RBPJ: variants seen among roughly 807,000 people sequenced by gnomAD.
The protein encoded by RBPJ is recombination signal binding protein for immunoglobulin kappa J region.
In RBPJ, 9 loss-of-function variants were observed where a neutral mutation model predicts 67.8. The ratio of observed to expected loss-of-function variants is 0.13; its 90% confidence interval spans 0.08 to 0.23. The LOEUF is 0.23. RBPJ is among the 10% of genes least tolerant of loss of function. RBPJ has a pLI of 1.00. For synonymous variants in RBPJ, 198 were observed against 203.3 expected (o/e 0.97, Z 0.22); for missense variants, 305 against 595.6 (o/e 0.51, Z 5.08).
At chr4:26,349,766 T>C (rs977101993) in intron 1 of RBPJ, among the ~76,000 whole-genome samples, 2 of 152,236 alleles carry the variant, frequency 1.3e-5, no homozygotes, top group African/African-American at 4.8e-5. Flanking sequence ...TCATGGTTAC[T>C]CTCTGTCTCA....
At chr4:26,283,649 C>CTTT (rs371025225) in intron 1 of RBPJ, among the ~76,000 whole-genome samples, 4 of 142,268 alleles carry the variant, frequency 2.8e-5, no homozygotes, top group Non-Finnish European at 6.1e-5. Flanking sequence ...TTTAACTAAA[C>CTTT]TTTTTTTTTT....
the RBPJ span, among the ~76,000 whole-genome samples, chr4:26,123,792 A>C: frequency 6.6e-6 from 1 of 152,170 alleles, no homozygotes; most frequent in Non-Finnish European, 1.5e-5. Flanking sequence ...GGTCAGGGTC[A>C]TCAATATCAC....
At chr4:26,314,973 C>T (rs56762644), upstream of RBPJ, among the ~76,000 whole-genome samples, 28,432 of 150,068 alleles carry the variant, frequency 0.19, 4,271 homozygotes, top group African/African-American at 0.41. Context: ...GGTGAAACCC[C>T]GTCTCCACTA....
rs969812530 is a variant in RBPJ at position 26,183,747 on chromosome 4, C to T, written c.-167+20133C>T. Reference sequence around the variant, plus strand: ...AAATGTAGCCGGGCGTGGTCGCTCACGCCTGTAATCCCAGCACTTTGGGAG... The same window carrying T: ...AAATGTAGCCGGGCGTGGTCGCTCATGCCTGTAATCCCAGCACTTTGGGAG... On this transcript the variant is annotated intron_variant, in intron 1 of 4. Coordinates refer to the RBPJ transcript ENST00000512351. Among the ~76,000 whole-genome samples the T allele has an allele frequency of 5.9e-5, 9 of 152,294 alleles. No homozygotes were observed. The South Asian group carries it at 8.3e-4, about 14-fold the overall frequency.
chr4:26,307,495 A>C (rs1722276916), intron 1 of RBPJ, among the ~76,000 whole-genome samples: 2 of 152,208 alleles, frequency 1.3e-5, no homozygotes, highest in African/African-American at 4.8e-5. Context: ...TAGCTATGCT[A>C]TTTAAAAATA....
intron 1 of RBPJ, among the ~76,000 whole-genome samples, chr4:26,290,955 C>T (rs1721648536): frequency 6.6e-6 from 1 of 151,032 alleles, no homozygotes; most frequent in Non-Finnish European, 1.5e-5. Context: ...AGTAAATAAT[C>T]CTTCATTTTA....
At chr4:26,167,833 G>A (rs1310432601) in intron 1 of RBPJ, among the ~76,000 whole-genome samples, 4 of 151,738 alleles carry the variant, frequency 2.6e-5, no homozygotes, top group Non-Finnish European at 5.9e-5. Flanking sequence ...TGCCCATTCA[G>A]TATGATATTG....
chr4:26,287,843 C>T (rs1721534333), intron 1 of RBPJ, among the ~76,000 whole-genome samples: 1 of 151,752 alleles, frequency 6.6e-6, no homozygotes, highest in Non-Finnish European at 1.5e-5. Context: ...AAGAAGAACT[C>T]CAATAGAAGA....
chr4:26,391,301 C>T (rs566794307), intron 2 of RBPJ, among the ~76,000 whole-genome samples: 34 of 152,242 alleles, frequency 2.2e-4, no homozygotes, highest in Non-Finnish European at 4.3e-4. Context: ...GCTAAGTAGA[C>T]CATTGTGACA....
At chr4:26,277,707 TAGTC>T (rs1313034258) in intron 1 of RBPJ, among the ~76,000 whole-genome samples, 29 of 152,250 alleles carry the variant, frequency 1.9e-4, no homozygotes, top group Admixed American at 1.9e-3. Flanking sequence ...TGGCAAGTGT[TAGTC>T]AGAGGGAGAG....
At chr4:26,320,131 G>C (rs967056531), upstream of RBPJ, among the ~76,000 whole-genome samples, 7 of 152,246 alleles carry the variant, frequency 4.6e-5, no homozygotes, top group African/African-American at 1.7e-4. Context: ...TGCAGCACGC[G>C]AGCGGCAAGA....
At chr4:26,369,914 C>G (rs369078496) in intron 1 of RBPJ, among the ~76,000 whole-genome samples, 7 of 152,242 alleles carry the variant, frequency 4.6e-5, no homozygotes, top group African/African-American at 1.4e-4. Flanking sequence ...TACATGCAGC[C>G]TGAACAAACC....
intron 1 of RBPJ, among the ~76,000 whole-genome samples, chr4:26,206,670 G>A (rs748407993): frequency 3.4e-5 from 5 of 148,250 alleles, no homozygotes; most frequent in Non-Finnish European, 5.9e-5. Flanking sequence ...TTGTTTATAA[G>A]ATATAATTTT....
chr4:26,140,109 C>T, the RBPJ span, among the ~76,000 whole-genome samples: 1 of 152,198 alleles, frequency 6.6e-6, no homozygotes, highest in Non-Finnish European at 1.5e-5. Flanking sequence ...GTGGTGACTT[C>T]AGTGAACTCA....
chr4:26,432,881 T>A lies in RBPJ; in HGVS notation c.*1874T>A, dbSNP rs1389371620. ...TTTTTAGAAATTATTATTAGTAGCA[T>A]TTTTTTTCCAGCTTTGCTGTCTTCA... On this transcript the variant is annotated 3_prime_UTR_variant, in exon 11 of 11. Transcript: ENST00000355476. 1 of 152,078 alleles carries A rather than the reference T, an allele frequency of 6.6e-6. No homozygotes were observed. Among genetic ancestry groups the A allele is most frequent in the Admixed American group, 6.6e-5 (1 of 15,260 alleles). The allele number at this position is 152,078 out of a possible 1,614,324, so 9.4% of individuals were successfully genotyped here.
At chr4:26,287,881 T>C (rs1306762363) in intron 1 of RBPJ, among the ~76,000 whole-genome samples, 1 of 152,096 alleles carries the variant, frequency 6.6e-6, no homozygotes, top group African/African-American at 2.4e-5. Context: ...AGGCCTAATT[T>C]TGTCATTTAT....
At chr4:26,193,443 G>T (rs1717641113) in intron 1 of RBPJ, among the ~76,000 whole-genome samples, 1 of 151,846 alleles carries the variant, frequency 6.6e-6, no homozygotes, top group Admixed American at 6.6e-5. Flanking sequence ...GACTTTGGTG[G>T]TTCTTTTTAT....
chr4:26,261,026 C>T (rs564203661), intron 1 of RBPJ, among the ~76,000 whole-genome samples: 42 of 152,154 alleles, frequency 2.8e-4, no homozygotes, highest in African/African-American at 8.9e-4. Flanking sequence ...CAATATCTTA[C>T]ATATAAAAGG....
intron 3 of RBPJ, among the ~76,000 whole-genome samples, chr4:26,412,114 CAAAA>C (rs146632582): frequency 4.4e-5 from 5 of 112,388 alleles, no homozygotes; most frequent in Admixed American, 1.8e-4. Context: ...GACTCCGTCT[CAAAA>C]AAAAAAAAAA....
Sources: allele counts gnomAD v4.1 joint callset (sites outside exome capture counted in the v4.1 genomes callset), GRCh38; gene constraint gnomAD v4.1.1; transcripts MANE v1.5; gene names NCBI Gene and HGNC (gene_info 2026-07-23, HGNC 2026-07-21).